The following IRGM variants were observed in gnomAD, a reference collection of about 807,000 sequenced individuals.
IRGM encodes the protein immunity related GTPase M.
For synonymous variants in IRGM, 98 were observed against 80.6 expected, an observed-to-expected ratio of 1.22 and a Z score of -1.16; for missense variants, 288 against 219.9, an observed-to-expected ratio of 1.31 and a Z score of -1.96.
intron 3 of IRGM, chr5:150,895,269 C>A: frequency 1.9e-6 from 1 of 534,454 alleles, no homozygotes; most frequent in African/African-American, 1.9e-5. Context: ...TTTCCATCAT[C>A]TTTGCTGGAA....
chr5:150,851,387 C>T (rs570714545), downstream of IRGM, among the ~76,000 whole-genome samples: 18 of 152,220 alleles, frequency 1.2e-4, 1 homozygote, highest in African/African-American at 2.9e-4. Flanking sequence ...ATCAAATGTT[C>T]GCAATTTAGC....
At chr5:150,880,660 C>T (rs1754430894) in intron 3 of IRGM, among the ~76,000 whole-genome samples, 1 of 152,196 alleles carries the variant, frequency 6.6e-6, no homozygotes, top group African/African-American at 2.4e-5. Context: ...AGTATACCTT[C>T]TTGCTATCAT....
intron 3 of IRGM, among the ~76,000 whole-genome samples, chr5:150,900,181 A>G (rs144954378): frequency 2.6e-5 from 4 of 152,276 alleles, no homozygotes; most frequent in Middle Eastern, 3.4e-3. Flanking sequence ...TTTATTCTCA[A>G]TAGTCTAGGT....
chr5:150,850,587 G>T (rs1438785475), downstream of IRGM, among the ~76,000 whole-genome samples: 2 of 152,030 alleles, frequency 1.3e-5, no homozygotes, highest in African/African-American at 4.8e-5. Flanking sequence ...TTGAGACAGG[G>T]TCTTGCTATC....
chr5:150,878,552 G>C (rs1211632764), intron 2 of IRGM, among the ~76,000 whole-genome samples: 3 of 151,758 alleles, frequency 2.0e-5, no homozygotes, highest in African/African-American at 7.3e-5. Context: ...AACATAGAAA[G>C]GGTTTACTTT....
intron 3 of IRGM, among the ~76,000 whole-genome samples, chr5:150,882,874 A>G (rs1185037219): frequency 3.3e-5 from 5 of 152,198 alleles, no homozygotes; most frequent in South Asian, 2.1e-4. Context: ...AAGGGACCTA[A>G]CAGACATATA....
Position 150,858,726 on chromosome 5 carries a change from TTGTC to T in IRGM, c.158+10076_158+10079del, listed in dbSNP as rs1754093658. On this transcript the variant is annotated intron_variant and NMD_transcript_variant, in intron 1 of 3. Transcript: ENST00000520549. Reference sequence around the variant, plus strand: ...GTTCACTCATGATTTGGCTCTCTGTTTGTCTGTTATTGGTGTATAAGAATGCTTG... The same window carrying T: ...GTTCACTCATGATTTGGCTCTCTGTTTGTTATTGGTGTATAAGAATGCTTG... Among the ~76,000 whole-genome samples the T allele has an allele frequency of 3.3e-5, 5 of 152,208 alleles. No individual in the cohort carries two copies. The South Asian group carries it at 8.3e-4, about 25-fold the overall frequency.
chr5:150,866,184 C>T (rs1257886696), intron 1 of IRGM, among the ~76,000 whole-genome samples: 1 of 152,190 alleles, frequency 6.6e-6, no homozygotes, highest in Non-Finnish European at 1.5e-5. Context: ...CTAAGGCAGC[C>T]CAGATTCTGA....
At chr5:150,880,623 A>C (rs1754430175) in intron 3 of IRGM, among the ~76,000 whole-genome samples, 1 of 152,108 alleles carries the variant, frequency 6.6e-6, no homozygotes, top group Non-Finnish European at 1.5e-5. Context: ...AGCCCTCCCA[A>C]TGGGAACCCG....
At position 150,864,917 on chromosome 5, in the gene IRGM, C is replaced by T. The variant is rs535040444; in HGVS notation, c.159-13063C>T. On this transcript the variant is annotated intron_variant and NMD_transcript_variant, in intron 1 of 3. Transcript: ENST00000520549. ...ACTGATTATTGCTCTTGACGATGGG[C>T]GTGTCCTGATGCTTCATGAAAACCC... Among the ~76,000 whole-genome samples, 12 of 152,296 alleles carry T rather than the reference C, an allele frequency of 7.9e-5. No individual in the cohort carries two copies. The South Asian group carries it at 1.0e-3, about 13-fold the overall frequency.
At chr5:150,880,291 G>T (rs1479121006) in intron 3 of IRGM, among the ~76,000 whole-genome samples, 1 of 152,086 alleles carries the variant, frequency 6.6e-6, no homozygotes, top group Non-Finnish European at 1.5e-5. Context: ...CCTGTTTGTT[G>T]TTCCTTGTTT....
intron 1 of IRGM, among the ~76,000 whole-genome samples, chr5:150,856,091 G>GTA (rs1281372563): frequency 1.3e-5 from 2 of 152,070 alleles, no homozygotes; most frequent in Admixed American, 6.6e-5. Flanking sequence ...TTAAAAGTAT[G>GTA]TATATATATG....
In IRGM at chr5:150,864,969, G is replaced by A. The variant is rs1754186272; in HGVS notation, c.159-13011G>A. Among the ~76,000 whole-genome samples, 3 of 152,182 alleles carry A rather than the reference G, an allele frequency of 2.0e-5. No homozygotes were observed. In the South Asian group the frequency reaches 6.2e-4, roughly 31 times the overall value. ...AGGACCAGAGTTATAAGGAGAAGGTGAAATAAAACTTCACAGACCATTTCC... is the reference window on the plus strand; with the variant it reads ...AGGACCAGAGTTATAAGGAGAAGGTAAAATAAAACTTCACAGACCATTTCC... On this transcript the variant is annotated intron_variant and NMD_transcript_variant, in intron 1 of 3. Transcript: ENST00000520549.
intron 1 of IRGM, among the ~76,000 whole-genome samples, chr5:150,866,373 T>G (rs112668846): frequency 5.9e-5 from 9 of 152,228 alleles, no homozygotes; most frequent in Non-Finnish European, 1.2e-4. Context: ...TCCATGGCAC[T>G]GGCATACTCT....
At chr5:150,866,021 T>G (rs909942068) in intron 1 of IRGM, among the ~76,000 whole-genome samples, 7 of 152,204 alleles carry the variant, frequency 4.6e-5, no homozygotes. Context: ...CCTCCCAAAG[T>G]GCTAGGATTA....
chr5:150,881,087 A>T (rs972699857), intron 3 of IRGM, among the ~76,000 whole-genome samples: 2 of 151,828 alleles, frequency 1.3e-5, no homozygotes, highest in Non-Finnish European at 2.9e-5. Context: ...AGATCATGCC[A>T]TTGCACTCCA....
downstream of IRGM, among the ~76,000 whole-genome samples, chr5:150,901,557 T>C (rs1055546347): frequency 6.6e-6 from 1 of 152,068 alleles, no homozygotes; most frequent in Non-Finnish European, 1.5e-5. Context: ...CTTTTTGCAA[T>C]AGAACTCTAA....
intron 2 of IRGM, among the ~76,000 whole-genome samples, chr5:150,878,523 A>T (rs1000183137): frequency 6.6e-6 from 1 of 151,294 alleles, no homozygotes; most frequent in African/African-American, 2.4e-5. Context: ...TTGCCATATT[A>T]CTTTCCACTT....
chr5:150,847,512 G>A lies in IRGM; in HGVS notation c.-415-197G>A, dbSNP rs535048666. 9 of 152,622 alleles carry A rather than the reference G, an allele frequency of 5.9e-5. No individual in the cohort carries two copies. The South Asian group carries it at 6.2e-4, about 11-fold the overall frequency. 9.5% of individuals were successfully genotyped at this position (152,622 alleles called of 1,614,324 possible). On this transcript the variant is annotated intron_variant, in intron 1 of 1. Coordinates refer to ENST00000522154, the MANE Select transcript of IRGM (RefSeq NM_001145805.2). ...TGGAGGCTGACTCGGAGGCACAACC[G>A]GCCTCAGGGCGTTCCTCAGGGACCC...
Sources: allele counts gnomAD v4.1 joint callset (sites outside exome capture counted in the v4.1 genomes callset), GRCh38; gene constraint gnomAD v4.1.1; transcripts MANE v1.5; gene names NCBI Gene and HGNC (gene_info 2026-07-23, HGNC 2026-07-21).